The following FMN2 variants were observed in gnomAD, a reference collection of about 807,000 sequenced individuals.
The protein encoded by FMN2 is formin 2.
FMN2 carries 51 observed loss-of-function variants against 142.3 expected under a neutral mutation model. The observed-to-expected ratio is 0.36, with a 90% CI of 0.29 to 0.45. The LOEUF is 0.45. Ranked by LOEUF, FMN2 falls within the 20% of genes least tolerant of loss-of-function variation. The pLI is 1.00. For missense variants in FMN2, 1,936 were observed against 2,122.8 expected (o/e 0.91, Z 1.73); for synonymous variants, 882 against 869.8 (o/e 1.01, Z -0.25).
In FMN2 at chr1:240,474,139, A is replaced by G; in HGVS notation, c.5154A>G (p.Ile1718Met). The G allele has an allele frequency of 6.4e-7, 1 of 1,557,380 alleles. No homozygotes were observed. The highest frequency in any genetic ancestry group is 8.6e-7 in the Non-Finnish European group (1 of 1,161,302). ...PRHDSGIKAKISMKT is the reference protein window; with the variant it reads ...PRHDSGIKAKMSMKT ...GTATTTGTTTTCAGAAAGCAAAGAT[A>G]AGCATGAAAACTTGAACAATGAAAA... Residue 1718 changes from isoleucine (I) to methionine (M), a missense_variant, in exon 18 of 18, where the codon ATA (isoleucine) becomes ATG (methionine). Ile to Met is a conservative substitution (Grantham distance 10). Transcript: ENST00000319653.
chr1:240,437,292 CTTTTTTTTT>C (rs10649766), intron 15 of FMN2, among the ~76,000 whole-genome samples: 1 of 117,396 alleles, frequency 8.5e-6, no homozygotes, highest in African/African-American at 3.5e-5. Context: ...GCATCTCTTG[CTTTTTTTTT>C]TTTTTTTTTT....
intron 1 of FMN2, among the ~76,000 whole-genome samples, chr1:240,112,157 G>T (rs559105713): frequency 8.3e-5 from 12 of 143,784 alleles, no homozygotes; most frequent in South Asian, 6.6e-4. Flanking sequence ...TTTTTGAGAC[G>T]GAGTCTCACT....
intron 11 of FMN2, among the ~76,000 whole-genome samples, chr1:240,333,412 A>T (rs1671445524): frequency 1.3e-5 from 2 of 152,182 alleles, no homozygotes; most frequent in Non-Finnish European, 2.9e-5. Context: ...CTTTACTTAA[A>T]ATGATACTTA....
intron 15 of FMN2, among the ~76,000 whole-genome samples, chr1:240,394,217 T>C (rs569077461): frequency 6.6e-6 from 1 of 152,310 alleles, no homozygotes; most frequent in Non-Finnish European, 1.5e-5. Flanking sequence ...GGTTGGTTTC[T>C]GGAGAAAGGA....
intron 15 of FMN2, among the ~76,000 whole-genome samples, chr1:240,396,305 TGTGTGTGTGTGTG>T (rs1558470079): frequency 6.0e-4 from 57 of 94,488 alleles, no homozygotes; most frequent in African/African-American, 3.3e-3. Flanking sequence ...GAGGTTTTCG[TGTGTGTGTGTGTG>T]TGTGTGTGTG....
At chr1:240,411,043 T>A (rs987490157) in intron 15 of FMN2, among the ~76,000 whole-genome samples, 1 of 134,300 alleles carries the variant, frequency 7.4e-6, no homozygotes, top group Non-Finnish European at 1.6e-5. Context: ...GTAATTTTTA[T>A]CTTACTCTTT....
intron 15 of FMN2, among the ~76,000 whole-genome samples, chr1:240,411,635 T>C (rs1287117999): frequency 6.6e-6 from 1 of 151,818 alleles, no homozygotes; most frequent in Non-Finnish European, 1.5e-5. Context: ...CTGTTGTTTT[T>C]TTTTTTTCTC....
chr1:240,410,917 T>G (rs761637661), intron 15 of FMN2, among the ~76,000 whole-genome samples: 1 of 152,152 alleles, frequency 6.6e-6, no homozygotes, highest in Non-Finnish European at 1.5e-5. Flanking sequence ...TCTCTTATAT[T>G]TTTCTCAGCT....
intron 2 of FMN2, among the ~76,000 whole-genome samples, chr1:240,154,430 C>A (rs1457320380): frequency 6.6e-6 from 1 of 152,122 alleles, no homozygotes; most frequent in Admixed American, 6.5e-5. Flanking sequence ...GGCGGAAAAC[C>A]TGGTTTCTGC....
intron 1 of FMN2, among the ~76,000 whole-genome samples, chr1:240,113,059 AG>A (rs2103198227): frequency 1.3e-5 from 2 of 152,324 alleles, no homozygotes; most frequent in Admixed American, 1.3e-4. Context: ...CACTTGAAAA[AG>A]TTAAAATTAC....
At chr1:240,351,050 G>A (rs1672079173) in intron 13 of FMN2, among the ~76,000 whole-genome samples, 1 of 152,190 alleles carries the variant, frequency 6.6e-6, no homozygotes, top group African/African-American at 2.4e-5. Flanking sequence ...AATGGAGACT[G>A]TCTCATAGGA....
chr1:240,178,053 G>A lies in FMN2; in HGVS notation c.1915G>A (p.Glu639Lys), dbSNP rs777007362. 3.6e-5 allele frequency: 58 copies of A among 1,601,000 alleles called. No individual in the cohort carries two copies. The highest frequency in any genetic ancestry group is 4.7e-5 in the Non-Finnish European group (55 of 1,176,046). ...SKPPDEEHRL[E>K]DAETESQSAV... ...ACCTCCCGATGAGGAACACAGGCTC[G>A]AGGATGCTGAAACAGGTAACCCTTT... The change falls in exon 3 of 18, where the codon GAG (glutamate) becomes AAG (lysine). Residue 639 changes from glutamate (E) to lysine (K), a missense_variant. Glu to Lys is a moderately conservative substitution (Grantham distance 56). Coordinates refer to ENST00000319653, the MANE Select transcript of FMN2 (RefSeq NM_020066.5).
chr1:240,359,521 T>C (rs1672389905), intron 14 of FMN2, among the ~76,000 whole-genome samples: 1 of 152,182 alleles, frequency 6.6e-6, no homozygotes, highest in African/African-American at 2.4e-5. Context: ...TATTGTGTGG[T>C]CTGTGGTCCA....
At chr1:240,205,456 C>CT (rs36115091) in intron 4 of FMN2, among the ~76,000 whole-genome samples, 6,814 of 97,550 alleles carry the variant, frequency 0.07, 427 homozygotes, top group African/African-American at 0.095. Flanking sequence ...ATGCTCTTTC[C>CT]TTTTTTTTTT....
chr1:240,146,215 C>T (rs1266675691), intron 2 of FMN2, among the ~76,000 whole-genome samples: 5 of 124,646 alleles, frequency 4.0e-5, no homozygotes, highest in African/African-American at 1.4e-4. Context: ...AACCCCGTCT[C>T]TACTAAAAAA....
At chr1:240,216,787 A>G (rs1283075617) in intron 6 of FMN2, among the ~76,000 whole-genome samples, 1 of 152,152 alleles carries the variant, frequency 6.6e-6, no homozygotes, top group African/African-American at 2.4e-5. Context: ...TCTCTACTAA[A>G]AATACAAAAA....
At position 240,207,747 on chromosome 1, in the gene FMN2, C is replaced by T. The variant is rs199853440; in HGVS notation, c.2935C>T (p.Pro979Ser). Residue 979 changes from proline (P) to serine (S), a missense_variant, in exon 5 of 18, where the codon CCC (proline) becomes TCC (serine). Pro to Ser is a moderately conservative substitution (Grantham distance 74). This residue lies in a region of FMN2 where 63 missense variants were observed against 86.3 expected (regional missense o/e 0.73). Transcript: ENST00000319653. ...PLPGAGIPPP[P>S]PLPGAGIPPP... ...TCCCGGAGCAGGAATACCTCCTCCA[C>T]CCCCTCTACCCGGAGCGGGCATACC... The T allele has an allele frequency of 4.0e-6, 6 of 1,506,986 alleles. No individual in the cohort carries two copies. In the South Asian group the frequency reaches 4.6e-5, roughly 12 times the overall value. 93.4% of individuals were successfully genotyped at this position (1,506,986 alleles called of 1,614,324 possible). A position where few individuals can be genotyped will look rare whatever the true frequency, so the allele number is the denominator to read the frequency against.
intron 2 of FMN2, among the ~76,000 whole-genome samples, chr1:240,147,709 C>T (rs1246945202): frequency 6.6e-6 from 1 of 152,146 alleles, no homozygotes; most frequent in African/African-American, 2.4e-5. Flanking sequence ...ATGCTTTACC[C>T]TAGGGTCATA....
At chr1:240,468,134 G>A (rs1198491074) in intron 16 of FMN2, among the ~76,000 whole-genome samples, 1 of 151,628 alleles carries the variant, frequency 6.6e-6, no homozygotes, top group East Asian at 1.9e-4. Flanking sequence ...TCTCTAATAG[G>A]GTGAAATCTT....
Sources: gnomAD v4.1 joint callset for allele counts (sites outside exome capture counted in the v4.1 genomes callset) on GRCh38, gnomAD v4.1.1 for gene constraint, gnomAD v4.1.1 regional missense constraint, MANE v1.5 for transcripts, NCBI Gene and HGNC (gene_info 2026-07-23, HGNC 2026-07-21) for gene names.